The following UBR4 variants were observed in gnomAD, a reference collection of about 807,000 sequenced individuals.
The protein encoded by UBR4 is ubiquitin protein ligase E3 component n-recognin 4, also known as E3 ubiquitin-protein ligase UBR4.
In UBR4, 124 loss-of-function variants were observed where a neutral mutation model predicts 575.6. That is an observed-to-expected ratio of 0.22 (90% CI 0.19 to 0.25). UBR4 has a LOEUF of 0.25. Among genes scored for constraint, UBR4 ranks in the 10% least tolerant of loss-of-function variants. The probability of loss-of-function intolerance (pLI) is 1.00; values close to 1 mark genes in which losing one functional copy is unlikely to be tolerated. For synonymous variants in UBR4, 2,455 were observed against 2,473.7 expected (o/e 0.99, Z 0.22); for missense variants, 4,818 against 6,478.8 (o/e 0.74, Z 8.80).
chr1:19,114,310 G>A (rs1410035026), intron 75 of UBR4, among the ~76,000 whole-genome samples: 1 of 152,148 alleles, frequency 6.6e-6, no homozygotes, highest in Admixed American at 6.5e-5. Context: ...CTTATACTAG[G>A]TTACACAAGT....
At position 19,199,641 on chromosome 1, in the gene UBR4, T is replaced by C; in HGVS notation, c.378+10A>G. 6.2e-7 allele frequency: 1 copy of C among 1,613,122 alleles called. No homozygotes were observed. On this transcript the variant is annotated intron_variant, in intron 3 of 105. Coordinates refer to ENST00000375254, the MANE Select transcript of UBR4 (RefSeq NM_020765.3). Reference sequence around the variant, plus strand: ...CAGAATAGGGCAAGAAATGGGCCCATCACTCTCACCTGGGACACAGCACAA... The same window carrying C: ...CAGAATAGGGCAAGAAATGGGCCCACCACTCTCACCTGGGACACAGCACAA...
At chr1:19,186,120 C>T (rs551152696) in intron 14 of UBR4, among the ~76,000 whole-genome samples, 8 of 152,250 alleles carry the variant, frequency 5.3e-5, no homozygotes, top group African/African-American at 1.9e-4. Context: ...GGGTTCACTA[C>T]AACAGGATTA....
At chr1:19,171,019 T>C in intron 25 of UBR4, 136 bp from the exon 26 acceptor site, 14 of 1,206,920 alleles carry the variant, frequency 1.2e-5, no homozygotes, top group Non-Finnish European at 1.6e-5. Context: ...GCCTGCCCCT[T>C]CCTGGTCTCT....
At position 19,126,572 on chromosome 1, in the gene UBR4, T is replaced by C. The variant is rs751485622; in HGVS notation, c.9312A>G (p.Ser3104=). The C allele has an allele frequency of 3.7e-6, 6 of 1,613,948 alleles. No individual in the cohort carries two copies. The highest frequency in any genetic ancestry group is 8.5e-7 in the Non-Finnish European group (1 of 1,179,962). The change falls in exon 64 of 106, where the codon TCA becomes TCG. Residue 3104 remains serine, a synonymous_variant. Transcript: ENST00000375254. ...GTTGGCTCTTCCAATATTCCAGCAG[T>C]GATTTGAGCACGTGCAGGCAGTAGT... ...AVDYCLHVLK[S]LLEYWKSQQN... is the part of the protein sequence containing the mutation.
At chr1:19,112,162 T>C (rs1570618240) in intron 78 of UBR4, 1 of 224,752 alleles carries the variant, frequency 4.4e-6, no homozygotes, top group Non-Finnish European at 8.6e-6. Context: ...GCCTTTCCAA[T>C]CCAGAGTCCA....
chr1:19,112,437 C>G, intron 78 of UBR4, 87 bp downstream of exon 78: 1 of 1,449,958 alleles, frequency 6.9e-7, no homozygotes, highest in South Asian at 1.4e-5. Flanking sequence ...GTCAGAAGCA[C>G]TATTCTGTGC....
Position 19,187,444 on chromosome 1 carries a change from G to A in UBR4, c.1491C>T (p.His497=), listed in dbSNP as rs1349914900. 1 of 1,614,124 alleles carries A rather than the reference G, an allele frequency of 6.2e-7. No homozygotes were observed. The highest frequency in any genetic ancestry group is 1.7e-5 in the Admixed American group (1 of 60,028). The change falls in exon 12 of 106, where the codon CAC becomes CAT. Residue 497 remains histidine (H), a synonymous_variant. Coordinates refer to ENST00000375254, the MANE Select transcript of UBR4 (RefSeq NM_020765.3). ...LFQDLQVEAL[H]KGWETDGPPA... ...ACCATGGGGATAACCTCCTCACCTT[G>A]TGAAGGGCCTCCACTTGTAGGTCTT...
intron 96 of UBR4, 68 bp from the exon 97 acceptor site, chr1:19,092,986 C>T (rs2077673559): frequency 1.4e-6 from 2 of 1,439,160 alleles, no homozygotes; most frequent in African/African-American, 2.8e-5. Flanking sequence ...CAGTTGTTGA[C>T]TCTGGCTTGT....
At chr1:19,090,557 C>T (rs1246393807) in intron 97 of UBR4, among the ~76,000 whole-genome samples, 1 of 152,158 alleles carries the variant, frequency 6.6e-6, no homozygotes, top group African/African-American at 2.4e-5. Context: ...AATCCTATTT[C>T]CTGAGGCCCC....
chr1:19,131,429 A>G (rs1445837159), intron 60 of UBR4, among the ~76,000 whole-genome samples: 4 of 152,152 alleles, frequency 2.6e-5, no homozygotes, highest in Non-Finnish European at 4.4e-5. Flanking sequence ...TAACTTATTC[A>G]TGAAAAAAGG....
chr1:19,177,075 T>C (rs1289342799), intron 19 of UBR4, among the ~76,000 whole-genome samples: 1 of 152,234 alleles, frequency 6.6e-6, no homozygotes, highest in Non-Finnish European at 1.5e-5. Context: ...CCTATCCTTA[T>C]TTTGGATCCT....
At chr1:19,103,858 C>A (rs948613395) in intron 87 of UBR4, among the ~76,000 whole-genome samples, 1 of 152,220 alleles carries the variant, frequency 6.6e-6, no homozygotes, top group African/African-American at 2.4e-5. Flanking sequence ...TGACCTTGCA[C>A]CACTCTATAA....
chr1:19,087,012 C>A (rs1465102653), intron 99 of UBR4, among the ~76,000 whole-genome samples, 191 bp from the exon 100 acceptor site: 1 of 152,230 alleles, frequency 6.6e-6, no homozygotes, highest in Non-Finnish European at 1.5e-5. Flanking sequence ...CTGGCCGCAG[C>A]CCTAGTGAAA....
chr1:19,086,298 C>T (rs1423746704), intron 100 of UBR4, 28 bp from the exon 101 acceptor site: 10 of 1,357,492 alleles, frequency 7.4e-6, no homozygotes, highest in Middle Eastern at 4.3e-4. Flanking sequence ...CAGGGACAAG[C>T]GACTGCTGGC....
Position 19,171,159 on chromosome 1 carries a change from A to T in UBR4, c.3522-276T>A, listed in dbSNP as rs111692156. Among the ~76,000 whole-genome samples, 48 of 152,318 alleles carry T rather than the reference A, an allele frequency of 3.2e-4. 1 individual carries two copies. Among genetic ancestry groups the T allele is most frequent in the African/African-American group, 1.1e-3 (47 of 41,576 alleles). On this transcript the variant is annotated intron_variant, in intron 25 of 105. Coordinates refer to ENST00000375254, the MANE Select transcript of UBR4 (RefSeq NM_020765.3). ...ATCTATCCTCCTTCCCCACCTCAGA[A>T]GATTGACAATGTATACAGTAAAGGC...
Position 19,095,590 on chromosome 1 carries a change from T to A in UBR4, c.13581A>T (p.Lys4527Asn), listed in dbSNP as rs372203263. 6.2e-7 allele frequency: 1 copy of A among 1,614,026 alleles called. No homozygotes were observed. Among genetic ancestry groups the A allele is most frequent in the African/African-American group, 1.3e-5 (1 of 74,928 alleles). Residue 4527 changes from lysine to asparagine, a missense_variant, in exon 93 of 106, where the codon AAA (lysine) becomes AAT (asparagine). Lys to Asn is a moderately conservative substitution (Grantham distance 94, BLOSUM62 0). Around this residue, in one of 29 missense-constraint regions of UBR4, gnomAD observed 165 missense variants for 282.3 expected, o/e 0.58. Transcript: ENST00000375254. ...TGACGTTCAAGGTGTTCATTTCCAG[T>A]TTGACCAGTTGCTGCCGGTTGACTT... ...KVKVNRQQLVKLEMNTLNVML... is the reference protein window; with the variant it reads ...KVKVNRQQLVNLEMNTLNVML...
chr1:19,167,902 G>C (rs1443303635), intron 28 of UBR4, 125 bp downstream of exon 28: 3 of 1,077,832 alleles, frequency 2.8e-6, no homozygotes, highest in Non-Finnish European at 3.8e-6. Flanking sequence ...TAAAGCAACA[G>C]GTTCTTTTTG....
chr1:19,150,701 G>C lies in UBR4; in HGVS notation c.7306C>G (p.Pro2436Ala), dbSNP rs940748924. ...TKEQFGWPDE[P>A]PEEFPSASVS... The stretch of plus-strand genomic sequence containing the variant: ...GAGGCAGAAGGGAATTCTTCTGGGG[G>C]CTCATCAGGCCAGCCAAACTGCTCC... Residue 2436 changes from proline (P) to alanine (A), a missense_variant, in exon 49 of 106, where the codon CCC becomes GCC. Coordinates refer to ENST00000375254, the MANE Select transcript of UBR4 (RefSeq NM_020765.3). 3 of 1,614,044 alleles carry C rather than the reference G, an allele frequency of 1.9e-6. No homozygotes were observed. Among genetic ancestry groups the C allele is most frequent in the South Asian group, 2.2e-5 (2 of 91,060 alleles).
rs2087803237 is a variant in UBR4, at chr1:19,163,801, A to G, written c.4727T>C (p.Val1576Ala). Residue 1576 changes from valine (V) to alanine (A), a missense_variant, in exon 34 of 106, where the codon GTA becomes GCA. Transcript: ENST00000375254. Reference sequence around the variant, plus strand: ...TACATTGGCATTCAGTTTTTCAACTACATTCTTCTGTGACAGGTATTTCTT... The same window carrying G: ...TACATTGGCATTCAGTTTTTCAACTGCATTCTTCTGTGACAGGTATTTCTT... Reference protein sequence around the residue: ...RCKKYLSQKNVVEKLNANVMH... With the variant: ...RCKKYLSQKNAVEKLNANVMH... The G allele has an allele frequency of 6.2e-7, 1 of 1,614,200 alleles. No homozygotes were observed. The highest frequency in any genetic ancestry group is 8.5e-7 in the Non-Finnish European group (1 of 1,180,022).
Sources: gnomAD v4.1 joint callset for allele counts (sites outside exome capture counted in the v4.1 genomes callset) on GRCh38, gnomAD v4.1.1 for gene constraint, gnomAD v4.1.1 regional missense constraint, MANE v1.5 for transcripts, NCBI Gene and HGNC (gene_info 2026-07-23, HGNC 2026-07-21) for gene names.